Variants in TTC28 observed in about 807,000 individuals in gnomAD.
TTC28 encodes tetratricopeptide repeat domain 28.
A neutral mutation model predicts 198.0 loss-of-function variants in TTC28; 61 were observed. The observed-to-expected ratio is 0.31, with a 90% CI of 0.25 to 0.38. The LOEUF (loss-of-function observed/expected upper bound fraction) is 0.38. TTC28 is among the 10% of genes least tolerant of loss of function. The probability of loss-of-function intolerance (pLI) is 1.00; values close to 1 mark genes in which losing one functional copy is unlikely to be tolerated. For synonymous variants in TTC28, 1,171 were observed against 1,297.8 expected, an observed-to-expected ratio of 0.90 and a Z score of 2.10; for missense variants, 2,678 against 3,164.0, an observed-to-expected ratio of 0.85 and a Z score of 3.69.
intron 17 of TTC28, 130 bp downstream of exon 17, chr22:27,996,005 A>T: frequency 1.4e-6 from 2 of 1,385,526 alleles, no homozygotes; most frequent in Non-Finnish European, 1.9e-6. Flanking sequence ...GGTCAGTGCC[A>T]TCCTGGACAC....
chr22:28,522,876 G>T (rs182206180), intron 2 of TTC28, among the ~76,000 whole-genome samples: 4 of 152,174 alleles, frequency 2.6e-5, no homozygotes, highest in Non-Finnish European at 5.9e-5. Context: ...GAAGGTAAAG[G>T]CAGGGGAGAG....
chr22:28,238,564 C>A (rs896755068), intron 5 of TTC28, among the ~76,000 whole-genome samples: 8 of 151,854 alleles, frequency 5.3e-5, no homozygotes, highest in Non-Finnish European at 1.2e-4. Flanking sequence ...TCAGCCTATT[C>A]TAAGACTTGT....
chr22:28,056,048 T>C (rs1275225199), intron 12 of TTC28: 3 of 152,216 alleles, frequency 2.0e-5, no homozygotes, highest in Admixed American at 2.0e-4. Flanking sequence ...TTATATATTT[T>C]CCCAAAATTT....
intron 2 of TTC28, among the ~76,000 whole-genome samples, chr22:28,310,149 C>A (rs1460462929): frequency 7.9e-6 from 1 of 127,110 alleles, no homozygotes; most frequent in Admixed American, 8.0e-5. Flanking sequence ...CACACACACA[C>A]ACACACACAC....
chr22:28,300,450 T>C (rs2044996158), intron 3 of TTC28, among the ~76,000 whole-genome samples: 1 of 152,002 alleles, frequency 6.6e-6, no homozygotes, highest in South Asian at 2.1e-4. Context: ...CGTGGAAGAT[T>C]CCCAAAAGAG....
At chr22:28,596,274 A>G (rs949007098) in intron 2 of TTC28, among the ~76,000 whole-genome samples, 7 of 152,210 alleles carry the variant, frequency 4.6e-5, no homozygotes, top group Non-Finnish European at 2.9e-5. Flanking sequence ...ATGGGGGGAA[A>G]AAAAGACTGG....
intron 2 of TTC28, among the ~76,000 whole-genome samples, chr22:28,508,798 C>T (rs943793735): frequency 6.6e-6 from 1 of 152,082 alleles, no homozygotes; most frequent in Non-Finnish European, 1.5e-5. Context: ...GACTTTAACA[C>T]CCCACTGACA....
intron 2 of TTC28, among the ~76,000 whole-genome samples, chr22:28,428,703 A>C (rs1390585833): frequency 6.6e-6 from 1 of 151,746 alleles, no homozygotes; most frequent in East Asian, 1.9e-4. Flanking sequence ...CAGTGGCACA[A>C]TCTCAGCTCA....
chr22:28,037,380 C>T (rs940996921), intron 12 of TTC28, among the ~76,000 whole-genome samples: 8 of 152,110 alleles, frequency 5.3e-5, no homozygotes, highest in African/African-American at 1.2e-4. Context: ...AATCAATAAA[C>T]GTAATCCAGC....
chr22:28,296,181 G>A lies in TTC28; in HGVS notation c.933+17C>T. 1.3e-6 allele frequency: 2 copies of A among 1,534,740 alleles called. No homozygotes were observed. Among genetic ancestry groups the A allele is most frequent in the Non-Finnish European group, 1.8e-6 (2 of 1,140,150 alleles). On this transcript the variant is annotated intron_variant, in intron 5 of 22. Transcript: ENST00000397906. ...AAAGAAAAAAAAATGTTTTTGGTCT[G>A]CAGATAAACTTCCTACCTCTCGATC...
At chr22:28,353,543 A>G (rs1280582241) in intron 2 of TTC28, among the ~76,000 whole-genome samples, 1 of 152,232 alleles carries the variant, frequency 6.6e-6, no homozygotes, top group Non-Finnish European at 1.5e-5. Flanking sequence ...AAAGCCACAC[A>G]TATGGTCGAC....
intron 2 of TTC28, among the ~76,000 whole-genome samples, chr22:28,321,123 A>G (rs1362130120): frequency 6.6e-6 from 1 of 151,774 alleles, no homozygotes; most frequent in African/African-American, 2.4e-5. Flanking sequence ...TTTAGGCACC[A>G]AACAAACAGG....
chr22:28,414,316 A>C (rs1452949926), intron 2 of TTC28, among the ~76,000 whole-genome samples: 1 of 152,188 alleles, frequency 6.6e-6, no homozygotes, highest in East Asian at 1.9e-4. Flanking sequence ...ACTGCAACTG[A>C]GGAATATTTG....
chr22:28,180,000 A>G (rs1029065440), intron 5 of TTC28, among the ~76,000 whole-genome samples: 1 of 152,194 alleles, frequency 6.6e-6, no homozygotes, highest in African/African-American at 2.4e-5. Flanking sequence ...AATCTTTAAA[A>G]ACTTGTATTT....
intron 5 of TTC28, among the ~76,000 whole-genome samples, chr22:28,274,711 T>G (rs1249528984): frequency 6.6e-6 from 1 of 152,196 alleles, no homozygotes; most frequent in African/African-American, 2.4e-5. Flanking sequence ...CTGGGCCTGG[T>G]GGCTCACGCC....
intron 6 of TTC28, among the ~76,000 whole-genome samples, chr22:28,115,085 C>T (rs938874601): frequency 1.1e-4 from 17 of 152,160 alleles, no homozygotes; most frequent in Admixed American, 4.6e-4. Flanking sequence ...TACTCAGGCC[C>T]ACACGGCTCT....
At chr22:28,466,820 T>TATACACAC (rs1555880284) in intron 2 of TTC28, among the ~76,000 whole-genome samples, 2 of 143,810 alleles carry the variant, frequency 1.4e-5, no homozygotes, top group African/African-American at 5.2e-5. Context: ...TATACATACA[T>TATACACAC]ACACACACAC....
intron 2 of TTC28, among the ~76,000 whole-genome samples, chr22:28,524,937 G>T (rs552605353): frequency 4.9e-4 from 75 of 152,114 alleles, no homozygotes; most frequent in African/African-American, 1.8e-3. Flanking sequence ...CACAGGCAAA[G>T]ATTCATGCAA....
At chr22:28,609,873 T>G (rs771886564) in intron 2 of TTC28, among the ~76,000 whole-genome samples, 8 of 152,018 alleles carry the variant, frequency 5.3e-5, no homozygotes, top group Non-Finnish European at 8.8e-5. Context: ...CAGTCTGAGG[T>G]CGACCTGGGA....
Sources: gnomAD v4.1 joint callset for allele counts (sites outside exome capture counted in the v4.1 genomes callset) on GRCh38, gnomAD v4.1.1 for gene constraint, MANE v1.5 for transcripts, NCBI Gene and HGNC (gene_info 2026-07-23, HGNC 2026-07-21) for gene names.